The following C1QTNF4 variants were observed in gnomAD, a reference collection of about 807,000 sequenced individuals.
C1QTNF4 encodes C1q and TNF related 4, also known as complement C1q tumor necrosis factor-related protein 4.
C1QTNF4 carries 12 observed loss-of-function variants against 14.6 expected under a neutral mutation model. That is an observed-to-expected ratio of 0.82 (90% CI 0.53 to 1.33). The LOEUF is 1.33. Among genes scored for constraint, C1QTNF4 ranks in the 40% most tolerant of loss-of-function variants. The probability of loss-of-function intolerance (pLI) is 0.00; values close to 1 mark genes in which losing one functional copy is unlikely to be tolerated. For synonymous variants in C1QTNF4, 278 were observed against 246.6 expected, an observed-to-expected ratio of 1.13 and a Z score of -1.19; for missense variants, 558 against 500.3, an observed-to-expected ratio of 1.12 and a Z score of -1.10.
chr11:47,594,474 GC>G (rs1219532541), upstream of C1QTNF4: 2 of 152,410 alleles, frequency 1.3e-5, no homozygotes, highest in Non-Finnish European at 2.9e-5. Flanking sequence ...GAGCTGCGGG[GC>G]CTAGGGGCTC....
upstream of C1QTNF4, among the ~76,000 whole-genome samples, chr11:47,594,876 A>G (rs1455278052): frequency 6.6e-6 from 1 of 152,134 alleles, no homozygotes; most frequent in Non-Finnish European, 1.5e-5. Context: ...AAATTGGAAA[A>G]TGCCCACGGT....
At chr11:47,593,530 G>C (rs551108612) in intron 1 of C1QTNF4, among the ~76,000 whole-genome samples, 1 of 152,200 alleles carries the variant, frequency 6.6e-6, no homozygotes, top group South Asian at 2.1e-4. Flanking sequence ...TGTGCACCCA[G>C]TACCCAGCCT....
intron 1 of C1QTNF4, among the ~76,000 whole-genome samples, chr11:47,592,664 A>G (rs761452279): frequency 1.1e-4 from 16 of 152,162 alleles, no homozygotes; most frequent in Non-Finnish European, 2.1e-4. Flanking sequence ...ACAAAACAGG[A>G]AAGAAATGAG....
Position 47,590,171 on chromosome 11 carries a change from A to G in C1QTNF4, c.640T>C (p.Phe214Leu). 6.2e-7 allele frequency: 1 copy of G among 1,601,066 alleles called. No individual in the cohort carries two copies. The highest frequency in any genetic ancestry group is 1.1e-5 in the South Asian group (1 of 90,130). ...CGGAACACGCCGGCCGCCGCGTCGA[A>G]GTCGCCGCCAATGTTGACGAACTCG... ...DTEFVNIGGD[F>L]DAAAGVFRCR... is the part of the protein sequence containing the mutation. The change falls in exon 2 of 2, where the codon TTC (phenylalanine) becomes CTC (leucine). Residue 214 changes from phenylalanine to leucine, a missense_variant. Phe to Leu is a conservative substitution (Grantham distance 22). Coordinates refer to ENST00000302514, the MANE Select transcript of C1QTNF4 (RefSeq NM_031909.3).
At chr11:47,593,180 A>C (rs2097276427) in intron 1 of C1QTNF4, among the ~76,000 whole-genome samples, 1 of 152,200 alleles carries the variant, frequency 6.6e-6, no homozygotes, top group Non-Finnish European at 1.5e-5. Context: ...CCCATGGAGC[A>C]CTGAGGTTTT....
At position 47,590,666 on chromosome 11, in the gene C1QTNF4, T is replaced by C; in HGVS notation, c.145A>G (p.Thr49Ala). Residue 49 changes from threonine to alanine, a missense_variant, in exon 2 of 2, where the codon ACC becomes GCC. Coordinates refer to ENST00000302514, the MANE Select transcript of C1QTNF4 (RefSeq NM_031909.3). ...ATGTTCACGTACACCTTGTCGAAGG[T>C]CACCGCCATCTCCGACGTGCCCTCC... ...PLEGTSEMAV[T>A]FDKVYVNIGG... is the part of the protein sequence containing the mutation. The C allele has an allele frequency of 6.2e-7, 1 of 1,610,744 alleles. No individual in the cohort carries two copies. Among genetic ancestry groups the C allele is most frequent in the Non-Finnish European group, 8.5e-7 (1 of 1,179,200 alleles).
Position 47,594,200 on chromosome 11 carries a change from C to CCGGGCTGCGGGCTGCGGGCTG in C1QTNF4, c.-79_-59dup, listed in dbSNP as rs975501611. On this transcript the variant is annotated 5_prime_UTR_variant, in exon 1 of 2. Transcript: ENST00000302514. ...TTCGGTCTGAGCCCGCGATCTGGCT[C>CCGGGCTGCGGGCTGCGGGCTG]CGGGCTGCGGGCTGCGGGCTGCAGG... is the stretch of plus-strand genomic sequence containing the variant. 1.3e-5 allele frequency: 2 copies of CCGGGCTGCGGGCTGCGGGCTG among 151,978 alleles called. No homozygotes were observed. The highest frequency in any genetic ancestry group is 6.6e-5 in the Admixed American group (1 of 15,246). 9.4% of individuals were successfully genotyped at this position (151,978 alleles called of 1,614,324 possible).
chr11:47,593,360 A>T (rs1189374726), intron 1 of C1QTNF4, among the ~76,000 whole-genome samples: 1 of 152,222 alleles, frequency 6.6e-6, no homozygotes, highest in Admixed American at 6.5e-5. Flanking sequence ...ACCAAACAAA[A>T]GCAAGCAAAC....
Position 47,589,951 on chromosome 11 carries a change from A to G in C1QTNF4, c.860T>C (p.Leu287Pro), listed in dbSNP as rs1345100378. The change falls in exon 2 of 2, where the codon CTC becomes CCC. Residue 287 changes from leucine to proline, a missense_variant. Physicochemically the swap from Leu to Pro is moderately conservative, Grantham distance 98. Coordinates refer to ENST00000302514, the MANE Select transcript of C1QTNF4 (RefSeq NM_031909.3). ...ALRRGDAVWL[L>P]SHDHDGYGAY... ...GCCGTAGCCGTCGTGGTCGTGGCTGAGCAGCCAGACGGCGTCGCCGCGCCG... is the reference window on the plus strand; with the variant it reads ...GCCGTAGCCGTCGTGGTCGTGGCTGGGCAGCCAGACGGCGTCGCCGCGCCG... 1 of 1,610,192 alleles carries G rather than the reference A, an allele frequency of 6.2e-7. No homozygotes were observed. The highest frequency in any genetic ancestry group is 8.5e-7 in the Non-Finnish European group (1 of 1,178,148).
chr11:47,594,443 G>A (rs1312926667), upstream of C1QTNF4: 2 of 151,820 alleles, frequency 1.3e-5, no homozygotes, highest in Non-Finnish European at 2.9e-5. Flanking sequence ...GAGAGGAGGG[G>A]AGTAGGGGAG....
chr11:47,594,851 TTCC>T (rs2097277387), upstream of C1QTNF4, among the ~76,000 whole-genome samples: 1 of 152,114 alleles, frequency 6.6e-6, no homozygotes. Context: ...AACCTAGTTT[TTCC>T]TCCTCACCTC....
At position 47,590,234 on chromosome 11, in the gene C1QTNF4, C is replaced by A. The variant is rs777644897; in HGVS notation, c.577G>T (p.Gly193Cys). 4.0e-6 allele frequency: 6 copies of A among 1,517,230 alleles called. No individual in the cohort carries two copies. The Admixed American group carries it at 8.7e-5, about 22-fold the overall frequency. 94.0% of individuals were successfully genotyped at this position (1,517,230 alleles called of 1,614,324 possible). ...AGTGGTTGGTGCCGCGGCCCGGGGC[C>A]AGCGTCCGAGCCCACCAAGCTGCGC... is the stretch of plus-strand genomic sequence containing the variant. ...RTRSLVGSDA[G>C]PGPRHQPLAF... The change falls in exon 2 of 2, where the codon GGC becomes TGC. Residue 193 changes from glycine to cysteine, a missense_variant. Gly to Cys is a radical substitution (Grantham distance 159, BLOSUM62 -3). Coordinates refer to ENST00000302514, the MANE Select transcript of C1QTNF4 (RefSeq NM_031909.3).
In C1QTNF4 at chr11:47,591,485, T is replaced by A. The variant is rs563714283; in HGVS notation, c.-5-670A>T. On this transcript the variant is annotated intron_variant, in intron 1 of 1. Coordinates refer to ENST00000302514, the MANE Select transcript of C1QTNF4 (RefSeq NM_031909.3). ...CTCACTGCAGCCTCCACCTCCCAGG[T>A]TCAAGCGATTCTCCCGCCTCAGCCT... 1.0e-4 allele frequency among the ~76,000 whole-genome samples: 15 copies of A among 146,682 alleles called. No individual in the cohort carries two copies. The South Asian group carries it at 3.1e-3, about 30-fold the overall frequency.
At chr11:47,593,515 C>T (rs1019897350) in intron 1 of C1QTNF4, among the ~76,000 whole-genome samples, 1 of 152,142 alleles carries the variant, frequency 6.6e-6, no homozygotes, top group East Asian at 1.9e-4. Context: ...TGCCAAGGGT[C>T]TTCCTGTGCA....
Position 47,594,200 on chromosome 11 carries a change from C to CCGGTCTG in C1QTNF4, c.-59_-58insCAGACCG, listed in dbSNP as rs2097276899. 1 of 151,978 alleles carries CCGGTCTG rather than the reference C, an allele frequency of 6.6e-6. No homozygotes were observed. Among genetic ancestry groups the CCGGTCTG allele is most frequent in the Admixed American group, 6.6e-5 (1 of 15,246 alleles). The allele number at this position is 151,978 out of a possible 1,614,324, so 9.4% of individuals were successfully genotyped here. ...TTCGGTCTGAGCCCGCGATCTGGCT[C>CCGGTCTG]CGGGCTGCGGGCTGCGGGCTGCAGG... On this transcript the variant is annotated 5_prime_UTR_variant, in exon 1 of 2. Transcript: ENST00000302514.
In C1QTNF4 at chr11:47,590,537, C is replaced by T; in HGVS notation, c.274G>A (p.Val92Met). 6.3e-7 allele frequency: 1 copy of T among 1,597,892 alleles called. No homozygotes were observed. Among genetic ancestry groups the T allele is most frequent in the South Asian group, 1.1e-5 (1 of 88,704 alleles). The change falls in exon 2 of 2, where the codon GTG becomes ATG. Residue 92 changes from valine (V) to methionine (M), a missense_variant. By Grantham distance (21) the Val-to-Met change is conservative. Coordinates refer to ENST00000302514, the MANE Select transcript of C1QTNF4 (RefSeq NM_031909.3). ...AGKAPHKSLS[V>M]MLVRNRDEVQ... The stretch of plus-strand genomic sequence containing the variant: ...TCGTCGCGGTTTCGCACCAGCATCA[C>T]CGACAGGCTCTTGTGCGGGGCCTTG...
At chr11:47,594,817 G>C (rs1191821024), upstream of C1QTNF4, among the ~76,000 whole-genome samples, 1 of 152,110 alleles carries the variant, frequency 6.6e-6, no homozygotes, top group Non-Finnish European at 1.5e-5. Flanking sequence ...GGTCAATGTT[G>C]CCAGTAAAGG....
chr11:47,589,672 T>C lies in C1QTNF4; in HGVS notation c.*149A>G. ...GTCAAGACAGCGCAGGGGCCTGGGC[T>C]GCCGGGCGCTGCGCGTGCCCGCTTT... On this transcript the variant is annotated 3_prime_UTR_variant, in exon 2 of 2. Transcript: ENST00000302514. The C allele has an allele frequency of 1.4e-6, 1 of 730,432 alleles. No individual in the cohort carries two copies. Among genetic ancestry groups the C allele is most frequent in the Non-Finnish European group, 2.1e-6 (1 of 486,906 alleles). The allele number at this position is 730,432 out of a possible 1,614,324, so 45.2% of individuals were successfully genotyped here. A position where few individuals can be genotyped will look rare whatever the true frequency, so the allele number is the denominator to read the frequency against.
intron 1 of C1QTNF4, among the ~76,000 whole-genome samples, chr11:47,592,437 C>G (rs2097276131): frequency 6.6e-6 from 1 of 152,172 alleles, no homozygotes; most frequent in Non-Finnish European, 1.5e-5. Flanking sequence ...AACGGCAGTG[C>G]TGAGGTGTGC....
Sources: allele counts gnomAD v4.1 joint callset (sites outside exome capture counted in the v4.1 genomes callset), GRCh38; gene constraint gnomAD v4.1.1; transcripts MANE v1.5; gene names NCBI Gene and HGNC (gene_info 2026-07-23, HGNC 2026-07-21).